Variants in LMO7 observed in about 807,000 individuals in gnomAD.
The protein encoded by LMO7 is LIM domain 7.
In LMO7, 120 loss-of-function variants were observed where a neutral mutation model predicts 206.5. That is an observed-to-expected ratio of 0.58 (90% CI 0.50 to 0.68). The LOEUF (loss-of-function observed/expected upper bound fraction) is 0.68, where lower values mean the gene tolerates loss of function less well. Ranked by LOEUF, LMO7 falls within the 30% of genes least tolerant of loss-of-function variation. LMO7 has a pLI of 0.00. For synonymous variants in LMO7, 706 were observed against 681.5 expected (o/e 1.04, Z -0.56); for missense variants, 1,959 against 1,957.9 (o/e 1.00, Z -0.01).
chr13:75,822,038 T>C (rs2057633926), intron 14 of LMO7, among the ~76,000 whole-genome samples: 1 of 152,220 alleles, frequency 6.6e-6, no homozygotes, highest in African/African-American at 2.4e-5. Context: ...TTTTTCAGAT[T>C]TCTCACTTTA....
chr13:75,657,584 C>A (rs2038179007), intron 1 of LMO7, among the ~76,000 whole-genome samples: 1 of 152,126 alleles, frequency 6.6e-6, no homozygotes, highest in South Asian at 2.1e-4. Flanking sequence ...GAATATGAAC[C>A]CACCCAGTGA....
intron 4 of LMO7, among the ~76,000 whole-genome samples, chr13:75,787,278 T>C (rs2052586977): frequency 6.6e-6 from 1 of 152,212 alleles, no homozygotes; most frequent in African/African-American, 2.4e-5. Flanking sequence ...AACAAGCATT[T>C]TACAAAAAGT....
chr13:75,707,909 T>G (rs1022581089), intron 1 of LMO7, among the ~76,000 whole-genome samples: 5 of 152,068 alleles, frequency 3.3e-5, no homozygotes, highest in Admixed American at 6.6e-5. Flanking sequence ...TGCCTTTCTA[T>G]CATCTTTTTG....
At chr13:75,747,150 TTGGAAAAA>T (rs1231277624) in intron 3 of LMO7, among the ~76,000 whole-genome samples, 1 of 152,140 alleles carries the variant, frequency 6.6e-6, no homozygotes, top group East Asian at 1.9e-4. Context: ...GATATTTTAG[TTGGAAAAA>T]AAAATCAGTT....
At chr13:75,841,352 A>G (rs1212970435) in intron 23 of LMO7, 151 bp downstream of exon 23, 3 of 637,396 alleles carry the variant, frequency 4.7e-6, no homozygotes, top group Non-Finnish European at 8.2e-6. Flanking sequence ...CTGATTTGTT[A>G]GAATTTTGCT....
chr13:75,653,325 A>G (rs1353421049), intron 1 of LMO7, among the ~76,000 whole-genome samples: 1 of 152,196 alleles, frequency 6.6e-6, no homozygotes, highest in Non-Finnish European at 1.5e-5. Flanking sequence ...CAAACCCTAG[A>G]TTCAGTCCTG....
chr13:75,828,953 C>T (rs576140234), intron 15 of LMO7, among the ~76,000 whole-genome samples: 14 of 151,892 alleles, frequency 9.2e-5, no homozygotes, highest in African/African-American at 2.2e-4. Flanking sequence ...AAAGAGGCCT[C>T]GAAGGAATCC....
chr13:75,657,179 G>A (rs1319913356), intron 1 of LMO7, among the ~76,000 whole-genome samples: 1 of 152,184 alleles, frequency 6.6e-6, no homozygotes, highest in Non-Finnish European at 1.5e-5. Flanking sequence ...TGGGAACAGA[G>A]AGGCAAGGAT....
chr13:75,747,417 C>T (rs995760849), intron 3 of LMO7, among the ~76,000 whole-genome samples: 16 of 152,144 alleles, frequency 1.1e-4, no homozygotes, highest in South Asian at 2.1e-4. Context: ...TGGCCTAATA[C>T]GGATGCTACA....
At chr13:75,752,143 A>AT (rs1419361636) in intron 3 of LMO7, among the ~76,000 whole-genome samples, 47 of 151,710 alleles carry the variant, frequency 3.1e-4, no homozygotes, top group Admixed American at 2.6e-3. Context: ...TTTTATTATT[A>AT]TTATTTTTGA....
intron 1 of LMO7, among the ~76,000 whole-genome samples, chr13:75,656,120 G>C (rs1196220460): frequency 1.3e-5 from 2 of 152,134 alleles, no homozygotes; most frequent in African/African-American, 4.8e-5. Context: ...TCTATCTGTG[G>C]ATCACTTTGT....
chr13:75,711,504 A>C (rs1262741329), intron 1 of LMO7, among the ~76,000 whole-genome samples: 1 of 152,162 alleles, frequency 6.6e-6, no homozygotes, highest in Admixed American at 6.5e-5. Context: ...TCAGAGACTC[A>C]ATGCCGTCTG....
At chr13:75,634,501 G>C (rs1347843571), upstream of LMO7, among the ~76,000 whole-genome samples, 1 of 152,142 alleles carries the variant, frequency 6.6e-6, no homozygotes, top group Non-Finnish European at 1.5e-5. Context: ...AGCACTTTGG[G>C]AGGACGAGGC....
intron 3 of LMO7, among the ~76,000 whole-genome samples, chr13:75,735,245 C>G (rs561073018): frequency 3.3e-5 from 5 of 151,596 alleles, no homozygotes; most frequent in Admixed American, 6.6e-5. Flanking sequence ...TCTACTTGTC[C>G]CACCCCCACT....
chr13:75,781,096 C>CTTTTTTT (rs367937964), intron 4 of LMO7, among the ~76,000 whole-genome samples: 3 of 41,922 alleles, frequency 7.2e-5, no homozygotes, highest in Non-Finnish European at 4.1e-5. Flanking sequence ...CTCTATTTTC[C>CTTTTTTT]TTTTTTTTTT....
At chr13:75,656,809 A>C (rs1211203072) in intron 1 of LMO7, among the ~76,000 whole-genome samples, 1 of 152,184 alleles carries the variant, frequency 6.6e-6, no homozygotes, top group African/African-American at 2.4e-5. Flanking sequence ...TGTGAAGAAG[A>C]TTAGACTTCT....
chr13:75,778,629 C>A (rs578155477), intron 4 of LMO7, among the ~76,000 whole-genome samples: 1 of 152,190 alleles, frequency 6.6e-6, no homozygotes, highest in African/African-American at 2.4e-5. Flanking sequence ...CATTGGCAGT[C>A]GTTCCAGGCG....
intron 1 of LMO7, among the ~76,000 whole-genome samples, chr13:75,708,091 G>A (rs915869898): frequency 6.6e-6 from 1 of 152,150 alleles, no homozygotes; most frequent in South Asian, 2.1e-4. Flanking sequence ...GGTAACTTCA[G>A]GGTTGATGCA....
At chr13:75,856,726 T>A in intron 30 of LMO7, 118 bp downstream of exon 30, 1 of 679,914 alleles carries the variant, frequency 1.5e-6, no homozygotes, top group South Asian at 1.6e-5. Context: ...GGATTCCAGG[T>A]TTCAAGAATT....
Sources: allele counts gnomAD v4.1 joint callset (sites outside exome capture counted in the v4.1 genomes callset), GRCh38; gene constraint gnomAD v4.1.1; transcripts MANE v1.5; gene names NCBI Gene and HGNC (gene_info 2026-07-23, HGNC 2026-07-21).